The following LEMD3 variants were observed in gnomAD, a reference collection of about 807,000 sequenced individuals.
LEMD3 encodes the protein LEM domain containing 3.
LEMD3 carries 33 observed loss-of-function variants against 95.2 expected under a neutral mutation model. The observed-to-expected ratio is 0.35, with a 90% CI of 0.26 to 0.46. The LOEUF (loss-of-function observed/expected upper bound fraction) is 0.46, where lower values mean the gene tolerates loss of function less well. Ranked by LOEUF, LEMD3 falls within the 20% of genes least tolerant of loss-of-function variation. The pLI, the probability that LEMD3 is intolerant of heterozygous loss-of-function variation, is 1.00. For missense variants in LEMD3, 1,210 were observed against 1,192.8 expected (o/e 1.01, Z -0.21); for synonymous variants, 525 against 474.6 (o/e 1.11, Z -1.38).
chr12:65,186,700 G>T (rs929714811), intron 1 of LEMD3, among the ~76,000 whole-genome samples: 1 of 150,090 alleles, frequency 6.7e-6, no homozygotes, highest in Non-Finnish European at 1.5e-5. Context: ...TTATTTAAGG[G>T]TTAAAATAAT....
chr12:65,196,305 T>C (rs932100644), intron 1 of LEMD3, among the ~76,000 whole-genome samples: 6 of 151,986 alleles, frequency 3.9e-5, no homozygotes, highest in African/African-American at 1.4e-4. Context: ...AATTTTTGAG[T>C]CTTTTAGGAG....
intron 4 of LEMD3, among the ~76,000 whole-genome samples, chr12:65,238,258 G>C (rs957939075): frequency 5.3e-5 from 8 of 152,156 alleles, no homozygotes; most frequent in African/African-American, 1.7e-4. Flanking sequence ...CTGAGTGAGA[G>C]AGACTCAGTT....
At chr12:65,200,557 G>A (rs936956103) in intron 1 of LEMD3, among the ~76,000 whole-genome samples, 6 of 151,984 alleles carry the variant, frequency 3.9e-5, no homozygotes, top group Admixed American at 1.3e-4. Flanking sequence ...GGTATGTAAT[G>A]GTATCTCATT....
chr12:65,205,285 A>C (rs1353380676), intron 1 of LEMD3, among the ~76,000 whole-genome samples: 1 of 152,150 alleles, frequency 6.6e-6, no homozygotes, highest in African/African-American at 2.4e-5. Flanking sequence ...GAGCCTAACC[A>C]TATCAGTCTG....
chr12:65,236,896 G>A (rs144459032), intron 4 of LEMD3, among the ~76,000 whole-genome samples: 10 of 152,130 alleles, frequency 6.6e-5, no homozygotes, highest in African/African-American at 1.9e-4. Context: ...AGTAGTATGT[G>A]TAATATGATA....
At chr12:65,221,741 T>C (rs1361202036) in intron 4 of LEMD3, among the ~76,000 whole-genome samples, 1 of 149,910 alleles carries the variant, frequency 6.7e-6, no homozygotes, top group African/African-American at 2.5e-5. Flanking sequence ...TCTCTCTTTT[T>C]TTTTTTTTTT....
chr12:65,192,472 A>G (rs1387826397), intron 1 of LEMD3, among the ~76,000 whole-genome samples: 1 of 151,998 alleles, frequency 6.6e-6, no homozygotes, highest in Non-Finnish European at 1.5e-5. Context: ...ACAACCAGTC[A>G]TTCTTCTTTA....
intron 10 of LEMD3, among the ~76,000 whole-genome samples, chr12:65,243,906 A>G (rs1871010901): frequency 6.6e-6 from 1 of 152,222 alleles, no homozygotes; most frequent in African/African-American, 2.4e-5. Flanking sequence ...CTGCTTCTCT[A>G]CAAAGTCCTG....
intron 4 of LEMD3, among the ~76,000 whole-genome samples, chr12:65,234,668 G>T (rs1176555105): frequency 6.6e-6 from 1 of 152,030 alleles, no homozygotes; most frequent in South Asian, 2.1e-4. Flanking sequence ...ATTAATAAAG[G>T]AAAGGAAAAC....
chr12:65,215,911 T>TTG, intron 2 of LEMD3, 66 bp from the exon 3 acceptor site: 2 of 622,742 alleles, frequency 3.2e-6, no homozygotes, highest in Admixed American at 3.1e-5. Flanking sequence ...TTTTTTTTGA[T>TTG]TAAGAATTAT....
chr12:65,240,354 G>C (rs977880412), intron 8 of LEMD3, 116 bp downstream of exon 8: 1 of 762,954 alleles, frequency 1.3e-6, no homozygotes, highest in Admixed American at 2.2e-5. Flanking sequence ...TACTGCACAG[G>C]TTTTTTTTGG....
chr12:65,195,339 G>A (rs1869397439), intron 1 of LEMD3, among the ~76,000 whole-genome samples: 1 of 151,588 alleles, frequency 6.6e-6, no homozygotes, highest in Admixed American at 6.6e-5. Context: ...ACATCATATA[G>A]CTCTCATTCT....
At chr12:65,232,172 CTA>C (rs1247525325) in intron 4 of LEMD3, among the ~76,000 whole-genome samples, 1 of 152,102 alleles carries the variant, frequency 6.6e-6, no homozygotes, top group African/African-American at 2.4e-5. Flanking sequence ...CCAAAATTCT[CTA>C]TGTTATTTTA....
In LEMD3 at chr12:65,215,895, G is replaced by GT. The variant is rs67170565; in HGVS notation, c.1561-69dup. 0.44 allele frequency: 194,106 copies of GT among 441,792 alleles called. 23,703 individuals carry two copies. The highest frequency in any genetic ancestry group is 0.47 in the Non-Finnish European group (116,452 of 247,268). 27.4% of individuals were successfully genotyped at this position (441,792 alleles called of 1,614,324 possible). A position where few individuals can be genotyped will look rare whatever the true frequency, so the allele number is the denominator to read the frequency against. Reference sequence around the variant, plus strand: ...TGGCTTCTGTGATTTTAAATTTACTGTTTTTTTTTTTTTGATTAAGAATTA... The same window carrying GT: ...TGGCTTCTGTGATTTTAAATTTACTGTTTTTTTTTTTTTTGATTAAGAATTA... On this transcript the variant is annotated intron_variant, in intron 2 of 12. Transcript: ENST00000308330.
chr12:65,217,604 A>G (rs1384035787), intron 3 of LEMD3, among the ~76,000 whole-genome samples: 1 of 152,242 alleles, frequency 6.6e-6, no homozygotes, highest in Non-Finnish European at 1.5e-5. Context: ...AGGGAAGGGA[A>G]AACATGACAA....
chr12:65,222,373 CAG>C (rs1870316791), intron 4 of LEMD3, among the ~76,000 whole-genome samples: 2 of 151,950 alleles, frequency 1.3e-5, no homozygotes, highest in African/African-American at 2.4e-5. Context: ...TTTTGTATCT[CAG>C]GGATTTTAGT....
chr12:65,215,576 T>G (rs1186145347), intron 2 of LEMD3, among the ~76,000 whole-genome samples: 2 of 152,156 alleles, frequency 1.3e-5, no homozygotes, highest in African/African-American at 2.4e-5. Flanking sequence ...CTTAGTTTTA[T>G]GTGGTTGAGT....
Position 65,169,736 on chromosome 12 carries a change from G to A in LEMD3, c.140G>A (p.Arg47Gln). The A allele has an allele frequency of 6.3e-7, 1 of 1,592,104 alleles. No homozygotes were observed. The highest frequency in any genetic ancestry group is 8.6e-7 in the Non-Finnish European group (1 of 1,169,474). The change falls in exon 1 of 13, where the codon CGA becomes CAA. Residue 47 changes from arginine (R) to glutamine (Q), a missense_variant. Arg to Gln is a conservative substitution (Grantham distance 43). Transcript: ENST00000308330. ...PVYLKKLKKL[R>Q]EEEQQQHRSG... The stretch of plus-strand genomic sequence containing the variant: ...TACCTCAAGAAGCTGAAGAAGCTTC[G>A]AGAGGAAGAGCAGCAACAGCACCGG...
chr12:65,218,578 C>G lies in LEMD3; in HGVS notation c.1654C>G (p.Gln552Glu). The G allele has an allele frequency of 6.2e-7, 1 of 1,606,778 alleles. No homozygotes were observed. Among genetic ancestry groups the G allele is most frequent in the East Asian group, 2.2e-5 (1 of 44,608 alleles). Residue 552 changes from glutamine to glutamate, a missense_variant, in exon 4 of 13, where the codon CAA (glutamine) becomes GAA (glutamate). Physicochemically the swap from Gln to Glu is conservative, Grantham distance 29. Coordinates refer to ENST00000308330, the MANE Select transcript of LEMD3 (RefSeq NM_014319.5). The stretch of plus-strand genomic sequence containing the variant: ...AGATCATGAATGTGGCAGTTCTAGT[C>G]AAAGAACGCTTTCTGTTCAAGAGGC... ...AGDHECGSSS[Q>E]RTLSVQEAAA...
Sources: gnomAD v4.1 joint callset for allele counts (sites outside exome capture counted in the v4.1 genomes callset) on GRCh38, gnomAD v4.1.1 for gene constraint, MANE v1.5 for transcripts, NCBI Gene and HGNC (gene_info 2026-07-23, HGNC 2026-07-21) for gene names.